FAT3: variants seen among roughly 807,000 people sequenced by gnomAD.
The protein encoded by FAT3 is FAT atypical cadherin 3.
In FAT3, 95 loss-of-function variants were observed where a neutral mutation model predicts 310.2. The ratio of observed to expected loss-of-function variants is 0.31; its 90% confidence interval spans 0.26 to 0.36. The LOEUF (loss-of-function observed/expected upper bound fraction) is 0.36. FAT3 is among the 10% of genes least tolerant of loss of function. The pLI, the probability that FAT3 is intolerant of heterozygous loss-of-function variation, is 1.00. For missense variants in FAT3, 5,408 were observed against 5,715.6 expected, an observed-to-expected ratio of 0.95 and a Z score of 1.74; for synonymous variants, 2,314 against 2,192.9, an observed-to-expected ratio of 1.06 and a Z score of -1.54.
intron 4 of FAT3, among the ~76,000 whole-genome samples, chr11:92,754,962 A>AAGAT (rs1423265131): frequency 1.3e-5 from 2 of 152,174 alleles, no homozygotes; most frequent in African/African-American, 4.8e-5. Context: ...CTCAAATAGA[A>AAGAT]AGATAAATGC....
rs753153684 is a variant in FAT3 at position 92,762,127 on chromosome 11, C to A, written c.3941C>A (p.Ser1314Tyr). The A allele has an allele frequency of 1.2e-5, 19 of 1,613,674 alleles. No homozygotes were observed. The East Asian group carries it at 4.2e-4, about 36-fold the overall frequency. The change falls in exon 5 of 28, where the codon TCT (serine) becomes TAT (tyrosine). Residue 1314 changes from serine (S) to tyrosine (Y), a missense_variant. Around this residue, in one of 5 missense-constraint regions of FAT3, gnomAD observed 4,588 missense variants for 4,809.8 expected, o/e 0.95. Coordinates refer to ENST00000525166, the MANE Select transcript of FAT3 (RefSeq NM_001367949.2). ...ATTGACCCTAAAACTGGGATGGTTT[C>A]TTCTAGAAAGCAGTTTACAGCAGGC... ...FFIDPKTGMV[S>Y]SRKQFTAGSY... is the part of the protein sequence containing the mutation.
At chr11:92,349,979 GA>G (rs34283403) in intron 1 of FAT3, among the ~76,000 whole-genome samples, 13,645 of 124,400 alleles carry the variant, frequency 0.11, 1,142 homozygotes, top group African/African-American at 0.26. Flanking sequence ...AGGTGGAGCT[GA>G]AAAAAAAAAA....
At position 92,506,668 on chromosome 11, in the gene FAT3, A is replaced by G. The variant is rs966746251; in HGVS notation, c.3293-17966A>G. ...AGTTGTTTCTGATTATATGCATGTT[A>G]TCTGCTTCACATTATGAGCAGTGCT... On this transcript the variant is annotated intron_variant, in intron 2 of 27. Transcript: ENST00000525166. Among the ~76,000 whole-genome samples, 7 of 152,256 alleles carry G rather than the reference A, an allele frequency of 4.6e-5. No individual in the cohort carries two copies. The East Asian group carries it at 1.2e-3, about 25-fold the overall frequency.
At chr11:92,710,405 A>G (rs1447602346) in intron 4 of FAT3, among the ~76,000 whole-genome samples, 1 of 152,188 alleles carries the variant, frequency 6.6e-6, no homozygotes, top group Non-Finnish European at 1.5e-5. Flanking sequence ...TCAACTTTGC[A>G]TGTCCCATCT....
At chr11:92,837,339 AG>A (rs1355270249) in intron 16 of FAT3, among the ~76,000 whole-genome samples, 2 of 152,224 alleles carry the variant, frequency 1.3e-5, no homozygotes, top group African/African-American at 4.8e-5. Context: ...GGTACTAACC[AG>A]GGTGGTTTTG....
intron 1 of FAT3, 53 bp from the exon 2 acceptor site, chr11:92,352,043 C>G (rs551817450): frequency 1.9e-5 from 22 of 1,129,286 alleles, no homozygotes; most frequent in Middle Eastern, 2.6e-4. Context: ...CCACTCTCCC[C>G]CTTCTTCTAG....
At chr11:92,856,613 G>GT (rs914779183) in intron 19 of FAT3, among the ~76,000 whole-genome samples, 40 of 152,252 alleles carry the variant, frequency 2.6e-4, no homozygotes, top group African/African-American at 7.7e-4. Context: ...TAATTCTGCT[G>GT]TTTTTTTGAT....
Position 92,322,197 on chromosome 11 carries a change from C to A in FAT3, c.-17-29899C>A. 1.3e-5 allele frequency among the ~76,000 whole-genome samples: 2 copies of A among 152,086 alleles called. 1 individual carries two copies. Among genetic ancestry groups the A allele is most frequent in the Non-Finnish European group, 2.9e-5 (2 of 68,010 alleles). ...GAAAATAGAAATAAAGCAAATCATG[C>A]AAAATTTTTGGTTTCCCAGTGCATA... On this transcript the variant is annotated intron_variant, in intron 1 of 27. Transcript: ENST00000525166.
intron 1 of FAT3, among the ~76,000 whole-genome samples, chr11:92,338,935 G>A (rs2134572053): frequency 6.6e-6 from 1 of 152,234 alleles, no homozygotes; most frequent in Admixed American, 6.5e-5. Context: ...CCAGTGGAAG[G>A]GAACCCAGTT....
intron 4 of FAT3, among the ~76,000 whole-genome samples, chr11:92,738,832 A>G (rs559920577): frequency 6.6e-6 from 1 of 152,232 alleles, no homozygotes; most frequent in South Asian, 2.1e-4. Flanking sequence ...TTCTTCATCC[A>G]TTATCAAGTG....
At chr11:92,374,030 G>GGAGAGAGAGAGAGA (rs58680206) in intron 2 of FAT3, among the ~76,000 whole-genome samples, 5,272 of 142,088 alleles carry the variant, frequency 0.037, 147 homozygotes, top group African/African-American at 0.052. Context: ...ACAGAGAGAG[G>GGAGAGAGAGAGAGA]GAGAGAGAGA....
intron 2 of FAT3, among the ~76,000 whole-genome samples, chr11:92,419,547 G>A (rs1024290431): frequency 5.3e-5 from 8 of 152,234 alleles, no homozygotes; most frequent in African/African-American, 1.9e-4. Context: ...AGAAGAGATA[G>A]GGGAGTATCT....
At chr11:92,488,041 A>G (rs2135223038) in intron 2 of FAT3, among the ~76,000 whole-genome samples, 1 of 152,294 alleles carries the variant, frequency 6.6e-6, no homozygotes, top group South Asian at 2.1e-4. Flanking sequence ...TTACGATTAC[A>G]ATAGCTTATA....
At chr11:92,282,028 C>T (rs943371401) in intron 1 of FAT3, among the ~76,000 whole-genome samples, 2 of 152,050 alleles carry the variant, frequency 1.3e-5, no homozygotes, top group African/African-American at 2.4e-5. Flanking sequence ...GCCTCAGTCT[C>T]CTGGGGAGCT....
At chr11:92,735,413 C>T (rs1235356772) in intron 4 of FAT3, among the ~76,000 whole-genome samples, 1 of 152,090 alleles carries the variant, frequency 6.6e-6, no homozygotes, top group East Asian at 1.9e-4. Flanking sequence ...AAAATCATTA[C>T]TTATATAGCT....
At chr11:92,885,834 T>C (rs1445362547) in intron 24 of FAT3, among the ~76,000 whole-genome samples, 1 of 152,208 alleles carries the variant, frequency 6.6e-6, no homozygotes, top group East Asian at 1.9e-4. Context: ...CGTCATATTT[T>C]CTGCAACATG....
intron 2 of FAT3, among the ~76,000 whole-genome samples, chr11:92,494,524 A>G (rs1164182623): frequency 2.6e-5 from 4 of 152,034 alleles, no homozygotes; most frequent in Non-Finnish European, 5.9e-5. Context: ...TACATGTAAC[A>G]AACATGTAGT....
In FAT3 at chr11:92,797,974, C is replaced by T. The variant is rs772505082; in HGVS notation, c.4961C>T (p.Thr1654Ile). ...CAGGGATCCCCGCCAATGTCTGCTACTGCAATTGTGCGCATTTCCGTCACC... is the reference window on the plus strand; with the variant it reads ...CAGGGATCCCCGCCAATGTCTGCTATTGCAATTGTGCGCATTTCCGTCACC... ...TDQGSPPMSA[T>I]AIVRISVTMS... The change falls in exon 10 of 28, where the codon ACT (threonine) becomes ATT (isoleucine). Residue 1654 changes from threonine (T) to isoleucine (I), a missense_variant. Physicochemically the swap from Thr to Ile is moderately conservative, Grantham distance 89. This residue lies in a region of FAT3 where 4,588 missense variants were observed against 4,809.8 expected (regional missense o/e 0.95). Coordinates refer to ENST00000525166, the MANE Select transcript of FAT3 (RefSeq NM_001367949.2). 9.3e-6 allele frequency: 15 copies of T among 1,613,818 alleles called. No homozygotes were observed. In the Middle Eastern group the frequency reaches 4.9e-4, roughly 53 times the overall value.
At chr11:92,337,453 T>C (rs1176508922) in intron 1 of FAT3, among the ~76,000 whole-genome samples, 2 of 152,208 alleles carry the variant, frequency 1.3e-5, no homozygotes, top group African/African-American at 4.8e-5. Context: ...TGTTTTGAGA[T>C]GGAATTTCCC....
Sources: gnomAD v4.1 joint callset for allele counts (sites outside exome capture counted in the v4.1 genomes callset) on GRCh38, gnomAD v4.1.1 for gene constraint, gnomAD v4.1.1 regional missense constraint, MANE v1.5 for transcripts, NCBI Gene and HGNC (gene_info 2026-07-23, HGNC 2026-07-21) for gene names.